The following SCUBE2 variants were observed in gnomAD, a reference collection of about 807,000 sequenced individuals.
SCUBE2 encodes signal peptide, CUB and EGF-like domain-containing protein 2.
In SCUBE2, 114 loss-of-function variants were observed where a neutral mutation model predicts 125.9. The ratio of observed to expected loss-of-function variants is 0.91; its 90% CI spans 0.78 to 1.06. SCUBE2 has a LOEUF of 1.06. Among genes scored for constraint, SCUBE2 ranks in the 50% least tolerant of loss-of-function variants. SCUBE2 has a pLI of 0.00. For missense variants in SCUBE2, 1,255 were observed against 1,301.8 expected (o/e 0.96, Z 0.55); for synonymous variants, 459 against 492.9 (o/e 0.93, Z 0.91).
intron 16 of SCUBE2, among the ~76,000 whole-genome samples, chr11:9,041,839 G>C (rs950103963): frequency 6.6e-5 from 10 of 152,140 alleles, no homozygotes; most frequent in African/African-American, 2.4e-4. Context: ...AGATGGGTTT[G>C]TGTGATGTTG....
chr11:9,086,010 C>A lies in SCUBE2; in HGVS notation c.256+3697G>T, dbSNP rs1183187287. ...ACTACACCCAGCTAATTATTTTGAC[C>A]TTTAGTAGAGAGAAGGTCTCACTAT... On this transcript the variant is annotated intron_variant, in intron 2 of 22. Transcript: ENST00000649792. 2.0e-5 allele frequency among the ~76,000 whole-genome samples: 3 copies of A among 151,724 alleles called. No homozygotes were observed. In the East Asian group the frequency reaches 5.8e-4, roughly 30 times the overall value.
intron 7 of SCUBE2, chr11:9,064,919 C>T (rs1179414635): frequency 6.6e-6 from 1 of 152,160 alleles, no homozygotes; most frequent in African/African-American, 2.4e-5. Context: ...TCTATTTCTG[C>T]TCATCTCCAG....
At chr11:9,034,099 T>C (rs564040039) in intron 16 of SCUBE2, among the ~76,000 whole-genome samples, 5 of 152,268 alleles carry the variant, frequency 3.3e-5, no homozygotes, top group African/African-American at 4.8e-5. Context: ...TGAAGAGAGA[T>C]TTTTAAAAAT....
chr11:9,025,563 G>A (rs1335010052), intron 21 of SCUBE2, 139 bp downstream of exon 21: 2 of 1,027,784 alleles, frequency 1.9e-6, no homozygotes, highest in Non-Finnish European at 2.8e-6. Context: ...TTTGGCACTT[G>A]TGAGTCAGCA....
intron 7 of SCUBE2, among the ~76,000 whole-genome samples, chr11:9,061,747 A>T (rs1859708693): frequency 6.6e-6 from 1 of 152,210 alleles, no homozygotes; most frequent in Non-Finnish European, 1.5e-5. Context: ...AAGACAATAG[A>T]TAAAAGATGT....
intron 21 of SCUBE2, chr11:9,022,661 C>T (rs1416122889): frequency 6.6e-6 from 1 of 152,496 alleles, no homozygotes; most frequent in African/African-American, 2.4e-5. Context: ...TGATCCAGTT[C>T]TTCACTGAGC....
chr11:9,088,359 G>C (rs907687138), intron 2 of SCUBE2, among the ~76,000 whole-genome samples: 1 of 152,212 alleles, frequency 6.6e-6, no homozygotes, highest in Non-Finnish European at 1.5e-5. Context: ...ATGGTGGCAG[G>C]CGCCTGTAAT....
At position 9,053,359 on chromosome 11, in the gene SCUBE2, C is replaced by T. The variant is rs1457727517; in HGVS notation, c.1331-144G>A. Reference sequence around the variant, plus strand: ...CAGAACATAGATGCTAGGCCTTATTCCCACCAAGGGAAAGGAGCCCCTGAT... The same window carrying T: ...CAGAACATAGATGCTAGGCCTTATTTCCACCAAGGGAAAGGAGCCCCTGAT... On this transcript the variant is annotated intron_variant, in intron 11 of 22. Transcript: ENST00000649792. The T allele has an allele frequency of 9.1e-6, 7 of 771,098 alleles. No homozygotes were observed. In the East Asian group the frequency reaches 1.9e-4, roughly 21 times the overall value. 47.8% of individuals were successfully genotyped at this position (771,098 alleles called of 1,614,324 possible). A position where few individuals can be genotyped will look rare whatever the true frequency, so the allele number is the denominator to read the frequency against.
intron 21 of SCUBE2, 168 bp downstream of exon 21, chr11:9,025,534 C>T (rs2135036117): frequency 1.5e-6 from 1 of 646,304 alleles, no homozygotes. Context: ...TTGTCAGTGT[C>T]CCCAAATGCC....
intron 7 of SCUBE2, among the ~76,000 whole-genome samples, chr11:9,063,313 C>T (rs1256343086): frequency 6.6e-6 from 1 of 152,142 alleles, no homozygotes; most frequent in East Asian, 1.9e-4. Context: ...AACAAAGGGA[C>T]TTGAATGTTC....
chr11:9,042,359 G>A (rs1451810469), intron 16 of SCUBE2, among the ~76,000 whole-genome samples: 1 of 151,978 alleles, frequency 6.6e-6, no homozygotes, highest in Non-Finnish European at 1.5e-5. Flanking sequence ...TTGGATTGCC[G>A]CAGTAACCTT....
At position 9,066,643 on chromosome 11, in the gene SCUBE2, T is replaced by C. The variant is rs1319047658; in HGVS notation, c.760+54A>G. ...GCTAAACACCATTAAGGGGTAGGGG[T>C]AGGGACAGGCAGGCTGGTGCAGACC... On this transcript the variant is annotated intron_variant, in intron 6 of 22. Coordinates refer to ENST00000649792, the MANE Select transcript of SCUBE2 (RefSeq NM_001367977.2). 5 of 1,390,212 alleles carry C rather than the reference T, an allele frequency of 3.6e-6. No individual in the cohort carries two copies. In the East Asian group the frequency reaches 1.1e-4, roughly 32 times the overall value. 86.1% of individuals were successfully genotyped at this position (1,390,212 alleles called of 1,614,324 possible). A position where few individuals can be genotyped will look rare whatever the true frequency, so the allele number is the denominator to read the frequency against.
intron 16 of SCUBE2, among the ~76,000 whole-genome samples, chr11:9,039,330 CT>C (rs1352000360): frequency 6.6e-6 from 1 of 152,136 alleles, no homozygotes; most frequent in Non-Finnish European, 1.5e-5. Context: ...GAAGGCAGAG[CT>C]GACAGGATTT....
At chr11:9,070,101 A>G (rs1351549073) in intron 4 of SCUBE2, among the ~76,000 whole-genome samples, 1 of 152,126 alleles carries the variant, frequency 6.6e-6, no homozygotes, top group African/African-American at 2.4e-5. Context: ...AGCCTCTGAC[A>G]GCATCACACA....
At chr11:9,073,993 G>A (rs559583124) in intron 4 of SCUBE2, among the ~76,000 whole-genome samples, 47 of 152,216 alleles carry the variant, frequency 3.1e-4, no homozygotes, top group African/African-American at 8.9e-4. Context: ...TCTGCCCCTC[G>A]GAGCTCAAAA....
At chr11:9,075,849 G>A (rs766397919) in intron 3 of SCUBE2, among the ~76,000 whole-genome samples, 13 of 152,210 alleles carry the variant, frequency 8.5e-5, no homozygotes, top group Non-Finnish European at 1.8e-4. Flanking sequence ...TGCAGGGCTG[G>A]GAGCCTTGTG....
chr11:9,058,837 G>A (rs1859376979), intron 9 of SCUBE2, among the ~76,000 whole-genome samples: 1 of 151,962 alleles, frequency 6.6e-6, no homozygotes, highest in South Asian at 2.1e-4. Context: ...CTATAAGAAA[G>A]AGACCAATTG....
At chr11:9,088,452 G>T (rs531818270) in intron 2 of SCUBE2, among the ~76,000 whole-genome samples, 1 of 152,346 alleles carries the variant, frequency 6.6e-6, no homozygotes, top group East Asian at 1.9e-4. Context: ...AGTGAGCTGA[G>T]ATCGCGCCAT....
intron 16 of SCUBE2, among the ~76,000 whole-genome samples, chr11:9,045,610 G>GAC (rs72142315): frequency 0.035 from 3,475 of 99,070 alleles, 40 homozygotes; most frequent in Non-Finnish European, 0.037. Flanking sequence ...CAGACAGACA[G>GAC]ACACACACAC....
Sources: allele counts gnomAD v4.1 joint callset (sites outside exome capture counted in the v4.1 genomes callset), GRCh38; gene constraint gnomAD v4.1.1; transcripts MANE v1.5; gene names NCBI Gene and HGNC (gene_info 2026-07-23, HGNC 2026-07-21).